TNNI3K: variants seen among roughly 807,000 people sequenced by gnomAD.
TNNI3K encodes TNNI3 interacting kinase.
TNNI3K carries 140 observed loss-of-function variants against 114.5 expected under a neutral mutation model. That is an observed-to-expected ratio of 1.22 (90% CI 1.07 to 1.41). The LOEUF is 1.41. TNNI3K is among the 40% of genes most tolerant of loss of function. The probability of loss-of-function intolerance (pLI) is 0.00; values close to 1 mark genes in which losing one functional copy is unlikely to be tolerated. For missense variants in TNNI3K, 1,125 were observed against 1,007.6 expected, an observed-to-expected ratio of 1.12 and a Z score of -1.58; for synonymous variants, 347 against 347.5, an observed-to-expected ratio of 1.00 and a Z score of 0.02.
chr1:74,345,478 C>T (rs1660955861), intron 9 of TNNI3K, among the ~76,000 whole-genome samples: 1 of 152,148 alleles, frequency 6.6e-6, no homozygotes, highest in Non-Finnish European at 1.5e-5. Flanking sequence ...CATTAGAATA[C>T]TTCATATTCA....
chr1:74,388,276 A>C (rs1398447553), intron 17 of TNNI3K, among the ~76,000 whole-genome samples: 8 of 151,810 alleles, frequency 5.3e-5, no homozygotes, highest in Admixed American at 5.2e-4. Flanking sequence ...AGATTCCGTC[A>C]CAAAAAAAAT....
chr1:74,261,843 A>G (rs1655694541), intron 4 of TNNI3K, among the ~76,000 whole-genome samples: 1 of 152,150 alleles, frequency 6.6e-6, no homozygotes, highest in Admixed American at 6.6e-5. Flanking sequence ...TATTTCTTGC[A>G]AGATTTAATT....
At chr1:74,307,666 G>A (rs1415368551) in intron 5 of TNNI3K, among the ~76,000 whole-genome samples, 1 of 152,144 alleles carries the variant, frequency 6.6e-6, no homozygotes, top group East Asian at 1.9e-4. Flanking sequence ...CCTAAGAAAA[G>A]AGATAGACAA....
At chr1:74,360,712 T>C (rs1259595426) in intron 11 of TNNI3K, among the ~76,000 whole-genome samples, 3 of 152,096 alleles carry the variant, frequency 2.0e-5, no homozygotes, top group Admixed American at 2.0e-4. Context: ...AAGACTTAGT[T>C]TATGGAAGTC....
chr1:74,285,108 C>A (rs1451379356), intron 5 of TNNI3K, among the ~76,000 whole-genome samples: 3 of 152,180 alleles, frequency 2.0e-5, no homozygotes. Context: ...TGTCATTCTG[C>A]TCCTGGACTT....
intron 20 of TNNI3K, among the ~76,000 whole-genome samples, chr1:74,443,318 T>A (rs1267762772): frequency 1.3e-5 from 2 of 151,664 alleles, no homozygotes; most frequent in Non-Finnish European, 2.9e-5. Context: ...TAAAAAATGA[T>A]AAAGAGGATA....
At chr1:74,399,862 A>G (rs1021563038) in intron 17 of TNNI3K, among the ~76,000 whole-genome samples, 11 of 152,136 alleles carry the variant, frequency 7.2e-5, no homozygotes, top group Admixed American at 6.5e-4. Flanking sequence ...TAGAACCTTC[A>G]CCCCTCAGAC....
rs28431414 is a variant in TNNI3K, at chr1:74,436,214, G to A, written c.1825+82G>A. On this transcript the variant is annotated intron_variant, in intron 18 of 24. Transcript: ENST00000326637. ...GTGCCTGATATTGTACCATGAAACT[G>A]AACACTGAACACTGACAGCTATACT... 3.5e-3 allele frequency: 5,398 copies of A among 1,524,186 alleles called. 35 individuals carry two copies. The highest frequency in any genetic ancestry group is 0.024 in the Admixed American group (1,338 of 55,942). 94.4% of individuals were successfully genotyped at this position (1,524,186 alleles called of 1,614,324 possible).
intron 5 of TNNI3K, among the ~76,000 whole-genome samples, chr1:74,321,650 C>T (rs1271436432): frequency 1.3e-5 from 2 of 151,786 alleles, no homozygotes; most frequent in African/African-American, 4.8e-5. Flanking sequence ...AGTTTTATTT[C>T]CATGACTTTT....
chr1:74,540,146 A>T lies in TNNI3K; in HGVS notation c.2352-88A>T, dbSNP rs1646708810. 29 of 1,393,936 alleles carry T rather than the reference A, an allele frequency of 2.1e-5. 1 individual carries two copies. In the South Asian group the frequency reaches 3.6e-4, roughly 17 times the overall value. The allele number at this position is 1,393,936 out of a possible 1,614,324, so 86.3% of individuals were successfully genotyped here. Reference sequence around the variant, plus strand: ...TGTATCACTTTGCCATTTCTCTGGGATCTATGTTGAGTGGAAAAATTCTGT... The same window carrying T: ...TGTATCACTTTGCCATTTCTCTGGGTTCTATGTTGAGTGGAAAAATTCTGT... On this transcript the variant is annotated intron_variant, in intron 23 of 24. Coordinates refer to ENST00000326637, the MANE Select transcript of TNNI3K (RefSeq NM_015978.3).
In TNNI3K at chr1:74,241,999, A is replaced by G. The variant is rs1014490984; in HGVS notation, c.149+5789A>G. Among the ~76,000 whole-genome samples the G allele has an allele frequency of 5.3e-5, 8 of 151,448 alleles. No homozygotes were observed. The South Asian group carries it at 6.3e-4, about 12-fold the overall frequency. ...CAAGTAGCTGGGACTACAGGCACCC[A>G]CCACCACACCTGGCTAATTTTTTGT... On this transcript the variant is annotated intron_variant, in intron 2 of 24. Coordinates refer to ENST00000326637, the MANE Select transcript of TNNI3K (RefSeq NM_015978.3).
At chr1:74,444,323 T>C (rs1029055845) in intron 20 of TNNI3K, among the ~76,000 whole-genome samples, 2 of 152,076 alleles carry the variant, frequency 1.3e-5, no homozygotes, top group African/African-American at 4.8e-5. Flanking sequence ...CTTTAAGCAA[T>C]GTCAGTAAAG....
At chr1:74,356,323 T>G (rs910963316) in intron 11 of TNNI3K, among the ~76,000 whole-genome samples, 2 of 152,226 alleles carry the variant, frequency 1.3e-5, no homozygotes, top group African/African-American at 4.8e-5. Context: ...TTAAGAGTAC[T>G]GTGTTATGAA....
At chr1:74,491,045 A>G (rs1998770) in intron 22 of TNNI3K, among the ~76,000 whole-genome samples, 15,818 of 152,220 alleles carry the variant, frequency 0.1, 2,170 homozygotes, top group African/African-American at 0.32. Flanking sequence ...GCAAAGTGGT[A>G]TCCAGTTGTG....
chr1:74,443,815 T>G (rs1212554356), intron 20 of TNNI3K, among the ~76,000 whole-genome samples: 3 of 152,078 alleles, frequency 2.0e-5, no homozygotes, highest in African/African-American at 7.2e-5. Flanking sequence ...GCTACCACAA[T>G]CAAGTGGGCT....
intron 5 of TNNI3K, among the ~76,000 whole-genome samples, chr1:74,298,315 C>T (rs1570435155): frequency 6.6e-6 from 1 of 152,066 alleles, no homozygotes; most frequent in East Asian, 1.9e-4. Context: ...GCAACATAGT[C>T]AGGTAGTGTA....
At chr1:74,345,378 G>T (rs1380448758) in intron 9 of TNNI3K, among the ~76,000 whole-genome samples, 1 of 152,062 alleles carries the variant, frequency 6.6e-6, no homozygotes, top group Non-Finnish European at 1.5e-5. Context: ...AAACAGAGGT[G>T]TATCCAATAC....
chr1:74,512,965 A>G (rs1646282016), intron 23 of TNNI3K, among the ~76,000 whole-genome samples: 1 of 152,186 alleles, frequency 6.6e-6, no homozygotes, highest in South Asian at 2.1e-4. Flanking sequence ...GTGGAAAACT[A>G]TAGACGACTT....
At chr1:74,542,826 T>C (rs958414167) in intron 24 of TNNI3K, among the ~76,000 whole-genome samples, 1 of 152,164 alleles carries the variant, frequency 6.6e-6, no homozygotes, top group African/African-American at 2.4e-5. Context: ...AAAAGAAAAC[T>C]GCTTCCCTGT....
Sources: gnomAD v4.1 joint callset for allele counts (sites outside exome capture counted in the v4.1 genomes callset) on GRCh38, gnomAD v4.1.1 for gene constraint, MANE v1.5 for transcripts, NCBI Gene and HGNC (gene_info 2026-07-23, HGNC 2026-07-21) for gene names.